EPHB2: variants seen among roughly 807,000 people sequenced by gnomAD.
EPHB2 encodes ephrin type-B receptor 2.
Under a neutral mutation model 96.4 loss-of-function variants are expected in EPHB2, and 18 were observed. The ratio of observed to expected loss-of-function variants is 0.19; its 90% CI spans 0.13 to 0.28. The LOEUF (loss-of-function observed/expected upper bound fraction) is 0.28. Among genes scored for constraint, EPHB2 ranks in the 10% least tolerant of loss-of-function variants. The probability of loss-of-function intolerance (pLI) is 1.00; values close to 1 mark genes in which losing one functional copy is unlikely to be tolerated. For synonymous variants in EPHB2, 506 were observed against 534.1 expected (o/e 0.95, Z 0.72); for missense variants, 989 against 1,355.4 (o/e 0.73, Z 4.25).
At chr1:22,773,043 C>T (rs1317629164) in intron 1 of EPHB2, among the ~76,000 whole-genome samples, 1 of 152,198 alleles carries the variant, frequency 6.6e-6, no homozygotes, top group East Asian at 1.9e-4. Context: ...CGATGAAGTG[C>T]CTGCCCCTAG....
At chr1:22,752,844 T>C (rs1202566083) in intron 1 of EPHB2, among the ~76,000 whole-genome samples, 1 of 152,150 alleles carries the variant, frequency 6.6e-6, no homozygotes, top group East Asian at 1.9e-4. Flanking sequence ...AGTGCAGTGG[T>C]ATAGTCATGA....
chr1:22,842,021 C>T (rs376699256), intron 3 of EPHB2, among the ~76,000 whole-genome samples: 1 of 152,028 alleles, frequency 6.6e-6, no homozygotes, highest in East Asian at 1.9e-4. Flanking sequence ...CATGGGGCCT[C>T]GGGACAGCTG....
At chr1:22,782,777 GAA>G (rs371210915) in intron 2 of EPHB2, among the ~76,000 whole-genome samples, 1 of 148,288 alleles carries the variant, frequency 6.7e-6, no homozygotes, top group African/African-American at 2.5e-5. Flanking sequence ...CCACCAAAAA[GAA>G]AAAAAAAAAT....
At chr1:22,895,665 G>T in intron 8 of EPHB2, 85 bp downstream of exon 8, 1 of 1,277,456 alleles carries the variant, frequency 7.8e-7, no homozygotes, top group Non-Finnish European at 1.1e-6. Context: ...TACAGTGCTG[G>T]TGAACCGAGG....
At position 22,906,777 on chromosome 1, in the gene EPHB2, C is replaced by T. The variant is rs55927202; in HGVS notation, c.1956C>T (p.Ile652=). 365 of 1,614,192 alleles carry T rather than the reference C, an allele frequency of 2.3e-4. No homozygotes were observed. Among genetic ancestry groups the T allele is most frequent in the Non-Finnish European group, 2.9e-4 (345 of 1,180,042 alleles). ...GCAAGAGAGAGATCTTTGTGGCCAT[C>T]AAGACGCTCAAGTCGGGCTACACGG... The part of the protein sequence containing the change: ...LPGKREIFVA[I]KTLKSGYTEK... The change falls in exon 11 of 16, where the codon ATC becomes ATT. Residue 652 remains isoleucine, a synonymous_variant. Transcript: ENST00000374630. This position sits in a 1 kb window ranked among gnomAD's most constrained non-coding sequence, Gnocchi z 4.8.
chr1:22,893,109 T>TCA, intron 7 of EPHB2, 63 bp downstream of exon 7: 1 of 1,612,120 alleles, frequency 6.2e-7, no homozygotes. Context: ...AACTCAAGGG[T>TCA]CACCATTCTC....
In EPHB2 at chr1:22,811,421, G is replaced by A. The variant is rs76251637; in HGVS notation, c.811+26345G>A. On this transcript the variant is annotated intron_variant, in intron 3 of 15. Transcript: ENST00000374630. The stretch of plus-strand genomic sequence containing the variant: ...CTTACGATGTCCAGGCCAGGTTTAG[G>A]CAGAAAGTCATCTTTTCCCTTCTCT... Among the ~76,000 whole-genome samples, 87 of 152,288 alleles carry A rather than the reference G, an allele frequency of 5.7e-4. No individual in the cohort carries two copies. In the East Asian group the frequency reaches 0.01, roughly 18 times the overall value.
At chr1:22,854,054 G>A (rs1645664441) in intron 3 of EPHB2, among the ~76,000 whole-genome samples, 1 of 152,224 alleles carries the variant, frequency 6.6e-6, no homozygotes, top group Non-Finnish European at 1.5e-5. Flanking sequence ...CCCCTGGGTG[G>A]TCCCAGTGGG....
chr1:22,713,141 C>G (rs1359598772), intron 1 of EPHB2, among the ~76,000 whole-genome samples: 1 of 152,100 alleles, frequency 6.6e-6, no homozygotes, highest in Non-Finnish European at 1.5e-5. Flanking sequence ...GGAAGGGAAG[C>G]CACAGCAGGG....
At chr1:22,774,999 A>T (rs1644429946) in intron 1 of EPHB2, among the ~76,000 whole-genome samples, 1 of 152,290 alleles carries the variant, frequency 6.6e-6, no homozygotes, top group South Asian at 2.1e-4. Context: ...AGAGTGCCAG[A>T]GCCAAGATTC....
At chr1:22,855,923 A>G (rs1320008425) in intron 3 of EPHB2, among the ~76,000 whole-genome samples, 4 of 152,144 alleles carry the variant, frequency 2.6e-5, no homozygotes, top group African/African-American at 7.2e-5. Flanking sequence ...GTTCAATTTC[A>G]TCAGACCTCC....
At chr1:22,845,407 C>T (rs1645527680) in intron 3 of EPHB2, among the ~76,000 whole-genome samples, 1 of 152,098 alleles carries the variant, frequency 6.6e-6, no homozygotes, top group Non-Finnish European at 1.5e-5. Context: ...AGCAGAGTTC[C>T]CATGAGGTCA....
At chr1:22,898,614 C>G (rs1181109332) in intron 9 of EPHB2, among the ~76,000 whole-genome samples, 1 of 152,132 alleles carries the variant, frequency 6.6e-6, no homozygotes, top group Non-Finnish European at 1.5e-5. Context: ...ATGACATGCT[C>G]CAAGTTACGG....
chr1:22,834,700 G>A (rs1413043696), intron 3 of EPHB2, among the ~76,000 whole-genome samples: 4 of 151,912 alleles, frequency 2.6e-5, no homozygotes, highest in Non-Finnish European at 4.4e-5. Context: ...TGAGGTGGGC[G>A]GATCACTTGA....
At chr1:22,910,252 A>G in intron 13 of EPHB2, 130 bp from the exon 14 acceptor site, 1 of 1,151,276 alleles carries the variant, frequency 8.7e-7, no homozygotes, top group Non-Finnish European at 1.3e-6. Flanking sequence ...TGCCTCCAGG[A>G]GGTGAAAGTG....
chr1:22,740,278 T>C (rs1019661608), intron 1 of EPHB2, among the ~76,000 whole-genome samples: 1 of 152,160 alleles, frequency 6.6e-6, no homozygotes, highest in Non-Finnish European at 1.5e-5. Flanking sequence ...TCATGATCAG[T>C]CTAATCTACT....
At chr1:22,722,723 G>A (rs1234551893) in intron 1 of EPHB2, among the ~76,000 whole-genome samples, 5 of 152,174 alleles carry the variant, frequency 3.3e-5, no homozygotes, top group East Asian at 1.9e-4. Context: ...GAAAAGCAGC[G>A]TGGTCTTAGA....
chr1:22,772,512 T>C (rs149764171), intron 1 of EPHB2, among the ~76,000 whole-genome samples: 1 of 152,338 alleles, frequency 6.6e-6, no homozygotes, highest in African/African-American at 2.4e-5. Context: ...AACGTGCTGC[T>C]AGTTGGTAGA....
At position 22,860,818 on chromosome 1, in the gene EPHB2, G is replaced by A. The variant is rs1638221007; in HGVS notation, c.812-2219G>A. ...AGGCCGACTGCTCGACCAGAGCTGG[G>A]GCTGCAGCCTGCATGTCCTGACTGC... is the stretch of plus-strand genomic sequence containing the variant. On this transcript the variant is annotated intron_variant, in intron 3 of 15. Transcript: ENST00000374630. This position sits in a 1 kb window ranked among gnomAD's most constrained non-coding sequence, Gnocchi z 4.6. Among the ~76,000 whole-genome samples, 1 of 152,134 alleles carries A rather than the reference G, an allele frequency of 6.6e-6. No individual in the cohort carries two copies. The highest frequency in any genetic ancestry group is 1.5e-5 in the Non-Finnish European group (1 of 68,020).
Sources: gnomAD v4.1 joint callset for allele counts (sites outside exome capture counted in the v4.1 genomes callset) on GRCh38, gnomAD v4.1.1 for gene constraint, Gnocchi (gnomAD v3.1) non-coding constraint, MANE v1.5 for transcripts, NCBI Gene and HGNC (gene_info 2026-07-23, HGNC 2026-07-21) for gene names.